XKR6: variants seen among roughly 807,000 people sequenced by gnomAD.
XKR6 encodes XK-related protein 6.
XKR6 carries 22 observed loss-of-function variants against 56.7 expected under a neutral mutation model. That is an observed-to-expected ratio of 0.39 (90% CI 0.28 to 0.55). The LOEUF is 0.55. Ranked by LOEUF, XKR6 falls within the 20% of genes least tolerant of loss-of-function variation. XKR6 has a pLI of 0.66. For synonymous variants in XKR6, 524 were observed against 387.8 expected, an observed-to-expected ratio of 1.35 and a Z score of -4.13; for missense variants, 852 against 889.0, an observed-to-expected ratio of 0.96 and a Z score of 0.53.
chr8:11,096,632 T>C (rs1379148742), intron 1 of XKR6, among the ~76,000 whole-genome samples: 4 of 152,194 alleles, frequency 2.6e-5, no homozygotes, highest in Non-Finnish European at 4.4e-5. Context: ...CAAGCAGCCT[T>C]TTCCTGGAAA....
At chr8:11,091,864 T>C (rs1351724499) in intron 1 of XKR6, among the ~76,000 whole-genome samples, 3 of 152,224 alleles carry the variant, frequency 2.0e-5, no homozygotes, top group Admixed American at 2.0e-4. Flanking sequence ...TCCTCCTTTA[T>C]CTGACACCCA....
intron 1 of XKR6, among the ~76,000 whole-genome samples, chr8:10,977,305 A>G (rs1018634070): frequency 1.3e-5 from 2 of 152,076 alleles, no homozygotes; most frequent in Admixed American, 6.5e-5. Flanking sequence ...TCAAGGGTCC[A>G]TTGGTCTCCC....
chr8:11,028,413 T>A (rs1336519297), intron 1 of XKR6, among the ~76,000 whole-genome samples: 4 of 152,250 alleles, frequency 2.6e-5, no homozygotes, highest in Non-Finnish European at 4.4e-5. Flanking sequence ...GCTATACGCA[T>A]CTGTATGCAG....
chr8:11,023,167 GGGGAGGGCCCTC>G (rs1798785075), intron 1 of XKR6, among the ~76,000 whole-genome samples: 1 of 152,132 alleles, frequency 6.6e-6, no homozygotes, highest in African/African-American at 2.4e-5. Context: ...GTGGAAAGCT[GGGGAGGGCCCTC>G]CCTCCATGTC....
chr8:10,954,029 T>C (rs1360163265), intron 1 of XKR6, among the ~76,000 whole-genome samples: 1 of 152,286 alleles, frequency 6.6e-6, no homozygotes, highest in African/African-American at 2.4e-5. Context: ...TTCCATTATA[T>C]GTATATACCA....
intron 1 of XKR6, among the ~76,000 whole-genome samples, chr8:10,942,757 G>A (rs1801424119): frequency 6.6e-6 from 1 of 152,160 alleles, no homozygotes; most frequent in Admixed American, 6.5e-5. Context: ...AATCACCCCT[G>A]CCTTCCCTCC....
At chr8:11,142,382 G>A (rs1243965367) in intron 1 of XKR6, among the ~76,000 whole-genome samples, 1 of 152,162 alleles carries the variant, frequency 6.6e-6, no homozygotes, top group African/African-American at 2.4e-5. Flanking sequence ...GTCAATTTAA[G>A]GAGGCTCCCT....
At chr8:11,018,781 C>CA (rs1436799415) in intron 1 of XKR6, among the ~76,000 whole-genome samples, 79 of 152,070 alleles carry the variant, frequency 5.2e-4, no homozygotes, top group Middle Eastern at 3.4e-3. Flanking sequence ...TCCCCATTGC[C>CA]AAAAAAGAAG....
intron 1 of XKR6, among the ~76,000 whole-genome samples, chr8:11,113,616 C>G (rs1304620464): frequency 6.6e-6 from 1 of 152,004 alleles, no homozygotes; most frequent in African/African-American, 2.4e-5. Flanking sequence ...AGTCTAAAAA[C>G]CTGTAAGTCT....
intron 1 of XKR6, among the ~76,000 whole-genome samples, chr8:11,071,595 C>T (rs113324350): frequency 0.043 from 5,987 of 140,364 alleles, 468 homozygotes; most frequent in African/African-American, 0.16. Context: ...CCATGAGCCC[C>T]GAGTCTATCA....
rs1491345169 is a variant in XKR6 at position 11,086,157 on chromosome 8, T to TTTTTAA, written c.764+114418_764+114419insTTAAAA. Among the ~76,000 whole-genome samples the TTTTTAA allele has an allele frequency of 1.3e-4, 19 of 148,026 alleles. 1 individual carries two copies. The Middle Eastern group carries it at 0.018, about 137-fold the overall frequency. On this transcript the variant is annotated intron_variant, in intron 1 of 2. Transcript: ENST00000416569. ...AAATATATATATATATATTTTTTTT[T>TTTTTAA]AAAAAAAACAAGCATAATTCATAAT... is the stretch of plus-strand genomic sequence containing the variant.
Position 11,050,416 on chromosome 8 carries a change from C to A in XKR6, c.765-125586G>T, listed in dbSNP as rs367646042. 5.9e-5 allele frequency among the ~76,000 whole-genome samples: 9 copies of A among 152,152 alleles called. No homozygotes were observed. In the South Asian group the frequency reaches 1.9e-3, roughly 32 times the overall value. On this transcript the variant is annotated intron_variant, in intron 1 of 2. Coordinates refer to ENST00000416569, the MANE Select transcript of XKR6 (RefSeq NM_173683.4). ...GGGCCTGGATGATGGTCTCGGAGAT[C>A]CCTTCCAGCTCCGACAGTCTACAAC...
At chr8:11,111,136 G>A (rs946619475) in intron 1 of XKR6, among the ~76,000 whole-genome samples, 1 of 151,508 alleles carries the variant, frequency 6.6e-6, no homozygotes, top group Non-Finnish European at 1.5e-5. Context: ...TTACAGGCGT[G>A]AGCCACTGCG....
In XKR6 at chr8:10,964,793, C is replaced by T. The variant is rs549497774; in HGVS notation, c.765-39963G>A. Among the ~76,000 whole-genome samples the T allele has an allele frequency of 1.3e-3, 205 of 152,316 alleles. 1 individual carries two copies. Among genetic ancestry groups the T allele is most frequent in the Non-Finnish European group, 2.1e-3 (141 of 68,032 alleles). ...GGGCCCACTCGCGCTGCCAGACCTG[C>T]TCTCACTGCACACGGAATGAGTCCT... is the stretch of plus-strand genomic sequence containing the variant. On this transcript the variant is annotated intron_variant, in intron 1 of 2. Transcript: ENST00000416569.
At chr8:11,192,403 C>A (rs1803632961) in intron 1 of XKR6, among the ~76,000 whole-genome samples, 1 of 152,140 alleles carries the variant, frequency 6.6e-6, no homozygotes, top group African/African-American at 2.4e-5. Context: ...TCCACCTCAG[C>A]CTCCAAAGTG....
chr8:11,145,415 C>T (rs1010412621), intron 1 of XKR6, among the ~76,000 whole-genome samples: 2 of 152,140 alleles, frequency 1.3e-5, no homozygotes, highest in Admixed American at 1.3e-4. Context: ...AAGACATCCA[C>T]ATCAAAGTAC....
chr8:11,140,217 T>C (rs184843229), intron 1 of XKR6, among the ~76,000 whole-genome samples: 102 of 143,782 alleles, frequency 7.1e-4, no homozygotes, highest in African/African-American at 2.6e-3. Context: ...ATAACAGGAG[T>C]CTCTGACTAT....
At chr8:11,024,466 C>G (rs1261120841) in intron 1 of XKR6, among the ~76,000 whole-genome samples, 1 of 152,134 alleles carries the variant, frequency 6.6e-6, no homozygotes, top group East Asian at 1.9e-4. Context: ...GGTAAAATGC[C>G]TAGTCAATTG....
intron 1 of XKR6, among the ~76,000 whole-genome samples, chr8:11,060,988 C>A (rs368932824): frequency 2.4e-4 from 36 of 152,314 alleles, no homozygotes; most frequent in Middle Eastern, 3.4e-3. Context: ...ATCTCCAAGG[C>A]TGGGTTTGGA....
Sources: allele counts gnomAD v4.1 joint callset (sites outside exome capture counted in the v4.1 genomes callset), GRCh38; gene constraint gnomAD v4.1.1; transcripts MANE v1.5; gene names NCBI Gene and HGNC (gene_info 2026-07-23, HGNC 2026-07-21).